Variants in CASKIN2 observed in about 807,000 individuals in gnomAD.
The protein encoded by CASKIN2 is CASK interacting protein 2, also known as caskin-2.
In CASKIN2, 41 loss-of-function variants were observed where a neutral mutation model predicts 107.1. That is an observed-to-expected ratio of 0.38 (90% CI 0.30 to 0.50). The LOEUF (loss-of-function observed/expected upper bound fraction) is 0.50, where lower values mean the gene tolerates loss of function less well. CASKIN2 is among the 20% of genes least tolerant of loss of function. The pLI, the probability that CASKIN2 is intolerant of heterozygous loss-of-function variation, is 0.92. For missense variants in CASKIN2, 1,546 were observed against 1,657.4 expected (o/e 0.93, Z 1.17); for synonymous variants, 724 against 705.6 (o/e 1.03, Z -0.41).
In CASKIN2 at chr17:75,506,785, G is replaced by A. The variant is rs1400841487; in HGVS notation, c.486+14C>T. The A allele has an allele frequency of 1.9e-6, 3 of 1,613,820 alleles. No homozygotes were observed. Among genetic ancestry groups the A allele is most frequent in the African/African-American group, 2.7e-5 (2 of 75,058 alleles). On this transcript the variant is annotated intron_variant, in intron 6 of 19. Coordinates refer to ENST00000321617, the MANE Select transcript of CASKIN2 (RefSeq NM_020753.5). The surrounding 1 kb of genome is among the most constrained non-coding windows in gnomAD (Gnocchi z 4.8). ...GATGTCCAGGACCCAGCACCCCAAG[G>A]CTGCAGGCCTCACCTTGAGTCGGCC...
chr17:75,502,029 C>T lies in CASKIN2; in HGVS notation c.3045G>A (p.Thr1015=), dbSNP rs573577555. The change falls in exon 18 of 20, where the codon ACG becomes ACA. Residue 1015 remains threonine (T), a synonymous_variant. Transcript: ENST00000321617. This position sits in a 1 kb window ranked among gnomAD's most constrained non-coding sequence, Gnocchi z 4.3. Reference sequence around the variant, plus strand: ...AAGGCAGTGGGGCAGCGGGGCCAGGCGTGGCACTGGCCACTCCGAAGGCCA... The same window carrying T: ...AAGGCAGTGGGGCAGCGGGGCCAGGTGTGGCACTGGCCACTCCGAAGGCCA... ...ALLAFGVASA[T]PGPAAPLPSP... The T allele has an allele frequency of 7.3e-5, 117 of 1,612,476 alleles. No homozygotes were observed. Among genetic ancestry groups the T allele is most frequent in the African/African-American group, 5.7e-4 (43 of 74,990 alleles).
chr17:75,503,007 G>C lies in CASKIN2; in HGVS notation c.2067C>G (p.Pro689=). 6.2e-7 allele frequency: 1 copy of C among 1,606,440 alleles called. No homozygotes were observed. The highest frequency in any genetic ancestry group is 8.5e-7 in the Non-Finnish European group (1 of 1,178,430). ...GGCTGGGAGAGCGGGCAGGTGGGAG[G>C]GGGAGTGGTTCAGGGCCACCCCCTG... ...AMAGGGPEPL[P]LPPARSPSQE... Residue 689 remains proline (P), a synonymous_variant, in exon 18 of 20, where the codon CCC becomes CCG. Transcript: ENST00000321617.
chr17:75,509,775 G>C, intron 2 of CASKIN2: 1 of 985,566 alleles, frequency 1.0e-6, no homozygotes. Context: ...GAGACACAGA[G>C]CACCCTTCAA....
rs567038988 is a variant in CASKIN2 at position 75,502,632 on chromosome 17, C to T, written c.2442G>A (p.Glu814=). 1 of 1,605,554 alleles carries T rather than the reference C, an allele frequency of 6.2e-7. No homozygotes were observed. The highest frequency in any genetic ancestry group is 1.3e-5 in the African/African-American group (1 of 74,762). Residue 814 remains glutamate (E), a synonymous_variant, in exon 18 of 20, where the codon GAG becomes GAA. Coordinates refer to ENST00000321617, the MANE Select transcript of CASKIN2 (RefSeq NM_020753.5). The surrounding 1 kb of genome is among the most constrained non-coding windows in gnomAD (Gnocchi z 4.3). ...PGPTEGDAEG[E]AEGPVGSTLG... ...GGGTGCTGCCCACTGGCCCTTCGGC[C>T]TCCCCCTCAGCATCCCCCTCTGTGG...
At position 75,514,166 on chromosome 17, in the gene CASKIN2, TC is replaced by T. The variant is rs1470005053; in HGVS notation, c.-363del. On this transcript the variant is annotated 5_prime_UTR_variant, in exon 2 of 20. Coordinates refer to ENST00000321617, the MANE Select transcript of CASKIN2 (RefSeq NM_020753.5). ...TGCCCACCCAGAGAGCAGCCAGCAT[TC>T]CCTTGGGCCTCAGGCAGCAGCGGTG... 1 of 517,570 alleles carries T rather than the reference TC, an allele frequency of 1.9e-6. No individual in the cohort carries two copies. Among genetic ancestry groups the T allele is most frequent in the Non-Finnish European group, 3.4e-6 (1 of 293,748 alleles). 32.1% of individuals were successfully genotyped at this position (517,570 alleles called of 1,614,324 possible). A position where few individuals can be genotyped will look rare whatever the true frequency, so the allele number is the denominator to read the frequency against.
chr17:75,506,933 C>A lies in CASKIN2; in HGVS notation c.391-39G>T. ...AGCCGAGTGAGGGGGCCTGGCCTGT[C>A]CGGCACCCCACCCTGCCCTGCGCCA... On this transcript the variant is annotated intron_variant, in intron 5 of 19. Coordinates refer to ENST00000321617, the MANE Select transcript of CASKIN2 (RefSeq NM_020753.5). This position sits in a 1 kb window ranked among gnomAD's most constrained non-coding sequence, Gnocchi z 4.8. 6.2e-7 allele frequency: 1 copy of A among 1,611,930 alleles called. No individual in the cohort carries two copies. Among genetic ancestry groups the A allele is most frequent in the Non-Finnish European group, 8.5e-7 (1 of 1,178,846 alleles).
Position 75,504,301 on chromosome 17 carries a change from G to T in CASKIN2, c.1381C>A (p.Leu461Met). 1 of 1,607,712 alleles carries T rather than the reference G, an allele frequency of 6.2e-7. No homozygotes were observed. The change falls in exon 14 of 20, where the codon CTG (leucine) becomes ATG (methionine). Residue 461 changes from leucine (L) to methionine (M), a missense_variant. This residue lies in a region of CASKIN2 where 1,311 missense variants were observed against 1,311.0 expected (regional missense o/e 1.00). Transcript: ENST00000321617. ...CAGTTGGCCAGAGGGCGGTGGCTCA[G>T]GTTGTCTTCAAGGAGAGAGAAAAAT... Reference protein sequence around the residue: ...GLHPPSLADNLSHRPLANCRS... With the variant: ...GLHPPSLADNMSHRPLANCRS...
chr17:75,502,015 G>A lies in CASKIN2; in HGVS notation c.3059C>T (p.Ala1020Val), dbSNP rs1216738367. 6.2e-7 allele frequency: 1 copy of A among 1,612,758 alleles called. No individual in the cohort carries two copies. ...GVASATPGPAAPLPSPTPGES... is the reference protein window; with the variant it reads ...GVASATPGPAVPLPSPTPGES... ...GCCAGGAGTTGGGGAAGGCAGTGGG[G>A]CAGCGGGGCCAGGCGTGGCACTGGC... The change falls in exon 18 of 20, where the codon GCC (alanine) becomes GTC (valine). Residue 1020 changes from alanine (A) to valine (V), a missense_variant. Ala to Val is a moderately conservative substitution (Grantham distance 64). Around this residue, in one of 6 missense-constraint regions of CASKIN2, gnomAD observed 1,311 missense variants for 1,311.0 expected, o/e 1.00. Transcript: ENST00000321617. The surrounding 1 kb of genome is among the most constrained non-coding windows in gnomAD (Gnocchi z 4.3).
In CASKIN2 at chr17:75,505,984, G is replaced by T; in HGVS notation, c.727-55C>A. On this transcript the variant is annotated intron_variant, in intron 8 of 19. Coordinates refer to ENST00000321617, the MANE Select transcript of CASKIN2 (RefSeq NM_020753.5). This position sits in a 1 kb window ranked among gnomAD's most constrained non-coding sequence, Gnocchi z 5.1. ...CTAAGCACTTTGACACCCCTCACCCGATTCTCTCAGCTACCCGGGACATAG... is the reference window on the plus strand; with the variant it reads ...CTAAGCACTTTGACACCCCTCACCCTATTCTCTCAGCTACCCGGGACATAG... 2.7e-6 allele frequency: 4 copies of T among 1,464,436 alleles called. No homozygotes were observed. Among genetic ancestry groups the T allele is most frequent in the South Asian group, 1.2e-5 (1 of 86,194 alleles). 90.7% of individuals were successfully genotyped at this position (1,464,436 alleles called of 1,614,324 possible). A position where few individuals can be genotyped will look rare whatever the true frequency, so the allele number is the denominator to read the frequency against.
In CASKIN2 at chr17:75,502,601, T is replaced by C; in HGVS notation, c.2473A>G (p.Ser825Gly). The change falls in exon 18 of 20, where the codon AGT (serine) becomes GGT (glycine). Residue 825 changes from serine to glycine, a missense_variant. Transcript: ENST00000321617. The surrounding 1 kb of genome is among the most constrained non-coding windows in gnomAD (Gnocchi z 4.3). ...AEGPVGSTLG[S>G]YATLTRRPGR... ...GGCCGCCGGGTAAGGGTAGCATAACTGCCTAGGGTGCTGCCCACTGGCCCT... is the reference window on the plus strand; with the variant it reads ...GGCCGCCGGGTAAGGGTAGCATAACCGCCTAGGGTGCTGCCCACTGGCCCT... 1 of 1,601,816 alleles carries C rather than the reference T, an allele frequency of 6.2e-7. No homozygotes were observed. The highest frequency in any genetic ancestry group is 2.2e-5 in the East Asian group (1 of 44,548).
Position 75,500,851 on chromosome 17 carries a change from G to C in CASKIN2, c.*229C>G, listed in dbSNP as rs991666014. The C allele has an allele frequency of 3.7e-6, 2 of 540,354 alleles. No homozygotes were observed. The highest frequency in any genetic ancestry group is 3.8e-5 in the African/African-American group (2 of 52,262). The allele number at this position is 540,354 out of a possible 1,614,324, so 33.5% of individuals were successfully genotyped here. ...TGCTCAATCGATCAAACCCTGGGAG[G>C]GGCTTTGCTGAGATGCAGCGGAGGT... On this transcript the variant is annotated 3_prime_UTR_variant, in exon 20 of 20. Transcript: ENST00000321617.
At position 75,506,635 on chromosome 17, in the gene CASKIN2, A is replaced by G. The variant is rs1217302670; in HGVS notation, c.565T>C (p.Tyr189His). 6.2e-7 allele frequency: 1 copy of G among 1,612,810 alleles called. No individual in the cohort carries two copies. The highest frequency in any genetic ancestry group is 8.5e-7 in the Non-Finnish European group (1 of 1,179,824). ...GEAKDPCDPN[Y>H]TTPLHLAAKN... Reference sequence around the variant, plus strand: ...GCAGCCAAGTGCAGGGGCGTGGTGTAGTTGGGGTCACACGGGTCTTTGGCC... The same window carrying G: ...GCAGCCAAGTGCAGGGGCGTGGTGTGGTTGGGGTCACACGGGTCTTTGGCC... The change falls in exon 7 of 20, where the codon TAC becomes CAC. Residue 189 changes from tyrosine (Y) to histidine (H), a missense_variant. This residue lies in a region of CASKIN2 where 31 missense variants were observed against 28.7 expected (regional missense o/e 1.08). Transcript: ENST00000321617. This position sits in a 1 kb window ranked among gnomAD's most constrained non-coding sequence, Gnocchi z 4.8.
At position 75,506,775 on chromosome 17, in the gene CASKIN2, G is replaced by C. The variant is rs748172184; in HGVS notation, c.486+24C>G. The C allele has an allele frequency of 4.3e-6, 7 of 1,613,798 alleles. No individual in the cohort carries two copies. The highest frequency in any genetic ancestry group is 4.2e-6 in the Non-Finnish European group (5 of 1,179,980). On this transcript the variant is annotated intron_variant, in intron 6 of 19. Coordinates refer to ENST00000321617, the MANE Select transcript of CASKIN2 (RefSeq NM_020753.5). The surrounding 1 kb of genome is among the most constrained non-coding windows in gnomAD (Gnocchi z 4.8). ...AGACCCTGTAGATGTCCAGGACCCA[G>C]CACCCCAAGGCTGCAGGCCTCACCT...
At chr17:75,514,728 G>A (rs1449479175) in intron 1 of CASKIN2, among the ~76,000 whole-genome samples, 3 of 152,202 alleles carry the variant, frequency 2.0e-5, no homozygotes, top group Admixed American at 2.0e-4. Flanking sequence ...TGTGAACGGA[G>A]AGCATGAAGT....
intron 1 of CASKIN2, 56 bp downstream of exon 1, chr17:75,515,345 T>G (rs1231522553): frequency 6.6e-6 from 1 of 151,918 alleles, no homozygotes; most frequent in Non-Finnish European, 1.5e-5. Context: ...CAAGAAAAGT[T>G]AGTTTGCGCC....
At chr17:75,507,525 G>T in intron 4 of CASKIN2, 59 bp downstream of exon 4, 1 of 1,269,180 alleles carries the variant, frequency 7.9e-7, no homozygotes, top group South Asian at 1.2e-5. Context: ...CTGGTCCCAG[G>T]GTCTGGGTAG....
In CASKIN2 at chr17:75,504,984, G is replaced by A. The variant is rs976996530; in HGVS notation, c.1020C>T (p.Gly340=). The change falls in exon 11 of 20, where the codon GGC becomes GGT. Residue 340 remains glycine (G), a synonymous_variant. Coordinates refer to ENST00000321617, the MANE Select transcript of CASKIN2 (RefSeq NM_020753.5). ...GTDRIGYFPP[G]IVEVVSKRVG... Reference sequence around the variant, plus strand: ...CCCGCTTGCTGACCACCTCGACAATGCCCGGGGGGAAGTAGCCTATGCGGT... The same window carrying A: ...CCCGCTTGCTGACCACCTCGACAATACCCGGGGGGAAGTAGCCTATGCGGT... The A allele has an allele frequency of 6.2e-7, 1 of 1,612,410 alleles. No homozygotes were observed. Among genetic ancestry groups the A allele is most frequent in the South Asian group, 1.1e-5 (1 of 91,084 alleles).
intron 2 of CASKIN2, among the ~76,000 whole-genome samples, chr17:75,513,134 C>G (rs2053328634): frequency 6.6e-6 from 1 of 152,058 alleles, no homozygotes; most frequent in African/African-American, 2.4e-5. Context: ...CTACTATGAT[C>G]CAGTGCTTAG....
chr17:75,502,088 A>T lies in CASKIN2; in HGVS notation c.2986T>A (p.Cys996Ser). 6.2e-7 allele frequency: 1 copy of T among 1,610,246 alleles called. No homozygotes were observed. Among genetic ancestry groups the T allele is most frequent in the Non-Finnish European group, 8.5e-7 (1 of 1,179,834 alleles). ...ESDTVKRRPK[C>S]REREPLQTAL... ...GTCTGCAGTGGCTCTCTCTCCCGGC[A>T]CTTGGGCCTCCGCTTAACAGTGTCT... is the stretch of plus-strand genomic sequence containing the variant. Residue 996 changes from cysteine (C) to serine (S), a missense_variant, in exon 18 of 20, where the codon TGC becomes AGC. Coordinates refer to ENST00000321617, the MANE Select transcript of CASKIN2 (RefSeq NM_020753.5). This position sits in a 1 kb window ranked among gnomAD's most constrained non-coding sequence, Gnocchi z 4.3.
Sources: gnomAD v4.1 joint callset for allele counts (sites outside exome capture counted in the v4.1 genomes callset) on GRCh38, gnomAD v4.1.1 for gene constraint, gnomAD v4.1.1 regional missense constraint, Gnocchi (gnomAD v3.1) non-coding constraint, MANE v1.5 for transcripts, NCBI Gene and HGNC (gene_info 2026-07-23, HGNC 2026-07-21) for gene names.